The following IQCJ variants were observed in gnomAD, a reference collection of about 807,000 sequenced individuals.
IQCJ encodes the protein IQ domain-containing protein J.
IQCJ carries 9 observed loss-of-function variants against 11.0 expected under a neutral mutation model. The observed-to-expected ratio is 0.82, with a 90% CI of 0.49 to 1.43. The LOEUF is 1.43. Ranked by LOEUF, IQCJ falls within the 40% of genes most tolerant of loss-of-function variation. IQCJ has a pLI of 0.00. For synonymous variants in IQCJ, 55 were observed against 51.3 expected, an observed-to-expected ratio of 1.07 and a Z score of -0.31; for missense variants, 146 against 133.2, an observed-to-expected ratio of 1.10 and a Z score of -0.47.
chr3:159,135,212 G>T (rs571799370), intron 1 of IQCJ, among the ~76,000 whole-genome samples: 2 of 152,214 alleles, frequency 1.3e-5, no homozygotes, highest in African/African-American at 2.4e-5. Context: ...AGGCTTACTT[G>T]GTATCTACCT....
At chr3:159,150,172 A>C (rs147865746) in intron 1 of IQCJ, among the ~76,000 whole-genome samples, 45 of 152,308 alleles carry the variant, frequency 3.0e-4, no homozygotes, top group African/African-American at 9.9e-4. Flanking sequence ...ATTTGAATGC[A>C]AGTAGTCTCT....
chr3:159,104,902 A>T (rs1718155936), intron 1 of IQCJ, among the ~76,000 whole-genome samples: 1 of 152,218 alleles, frequency 6.6e-6, no homozygotes, highest in South Asian at 2.1e-4. Context: ...ACACATTGTT[A>T]TAATGCTGTA....
At chr3:159,247,433 A>G (rs1359310381) in intron 2 of IQCJ, among the ~76,000 whole-genome samples, 1 of 152,194 alleles carries the variant, frequency 6.6e-6, no homozygotes, top group Non-Finnish European at 1.5e-5. Flanking sequence ...ATCCTTCAGA[A>G]ATGAAAACCA....
intron 3 of IQCJ, 88 bp downstream of exon 3, chr3:159,252,895 T>C: frequency 3.9e-6 from 5 of 1,269,142 alleles, no homozygotes; most frequent in Admixed American, 2.2e-5. Flanking sequence ...ACAACAGTTA[T>C]GCATCTTTAT....
At chr3:159,179,113 G>A (rs987158909) in intron 1 of IQCJ, among the ~76,000 whole-genome samples, 2 of 152,152 alleles carry the variant, frequency 1.3e-5, no homozygotes, top group Non-Finnish European at 2.9e-5. Flanking sequence ...GCAAACTGGT[G>A]TTAAATAAAG....
At chr3:159,190,449 T>C (rs1341619700) in intron 1 of IQCJ, among the ~76,000 whole-genome samples, 1 of 152,222 alleles carries the variant, frequency 6.6e-6, no homozygotes. Flanking sequence ...TCTCTGGTAA[T>C]GGAAGGACAC....
chr3:159,185,114 C>A (rs13072096), intron 1 of IQCJ, among the ~76,000 whole-genome samples: 20,450 of 152,160 alleles, frequency 0.13, 1,538 homozygotes, highest in Middle Eastern at 0.2. Flanking sequence ...CTATCAGGCC[C>A]ATTACAATCC....
At chr3:159,069,769 G>A (rs1251820064) in intron 1 of IQCJ, 8 of 518,562 alleles carry the variant, frequency 1.5e-5, no homozygotes, top group Non-Finnish European at 2.6e-5. Flanking sequence ...ACAACAGCAA[G>A]TAGAGGAAAA....
intron 1 of IQCJ, among the ~76,000 whole-genome samples, chr3:159,172,736 G>T (rs1390813022): frequency 4.3e-5 from 6 of 138,748 alleles, no homozygotes; most frequent in Non-Finnish European, 1.5e-5. Flanking sequence ...AGAGCTTAAA[G>T]GTTCCTAGTA....
In IQCJ at chr3:159,140,349, C is replaced by T. The variant is rs544108758; in HGVS notation, c.9+70908C>T. The stretch of plus-strand genomic sequence containing the variant: ...ACTCTTCCTTGTGACTTCAGCTGCC[C>T]CAGTAACCCCTGGAGAAGGAAAAGA... On this transcript the variant is annotated intron_variant, in intron 1 of 3. Transcript: ENST00000397832. Among the ~76,000 whole-genome samples the T allele has an allele frequency of 5.3e-5, 8 of 152,234 alleles. No homozygotes were observed. In the South Asian group the frequency reaches 1.7e-3, roughly 32 times the overall value.
chr3:159,195,067 C>T (rs576192419), intron 1 of IQCJ, among the ~76,000 whole-genome samples: 18 of 151,670 alleles, frequency 1.2e-4, no homozygotes, highest in South Asian at 1.0e-3. Context: ...GCTGAGATTG[C>T]GCCATTGCAC....
intron 3 of IQCJ, among the ~76,000 whole-genome samples, 153 bp from the exon 4 acceptor site, chr3:159,262,395 G>A (rs141714142): frequency 1.7e-3 from 256 of 152,292 alleles, no homozygotes; most frequent in African/African-American, 6.0e-3. Flanking sequence ...TAAAGTTCAG[G>A]TCTCCTGATT....
chr3:159,086,215 T>G (rs888352190), intron 1 of IQCJ, among the ~76,000 whole-genome samples: 20 of 152,160 alleles, frequency 1.3e-4, no homozygotes, highest in Non-Finnish European at 2.6e-4. Flanking sequence ...TTGTCAAAGA[T>G]CAGATAGTTG....
At chr3:159,245,115 G>A (rs945357367) in intron 1 of IQCJ, among the ~76,000 whole-genome samples, 1 of 152,154 alleles carries the variant, frequency 6.6e-6, no homozygotes, top group African/African-American at 2.4e-5. Flanking sequence ...GGGATCGTGT[G>A]TGTGTGTATG....
chr3:159,228,938 A>G (rs984050304), intron 1 of IQCJ, among the ~76,000 whole-genome samples: 1 of 152,212 alleles, frequency 6.6e-6, no homozygotes, highest in Non-Finnish European at 1.5e-5. Context: ...CTTCTGCACA[A>G]TCTACTTTTG....
chr3:159,194,543 G>A (rs540694625), intron 1 of IQCJ, among the ~76,000 whole-genome samples: 5 of 152,344 alleles, frequency 3.3e-5, no homozygotes, highest in South Asian at 4.1e-4. Context: ...GCTTCTTGAT[G>A]TGCTTGTAGC....
At chr3:159,176,542 G>T (rs540281505) in intron 1 of IQCJ, among the ~76,000 whole-genome samples, 155 of 152,196 alleles carry the variant, frequency 1.0e-3, no homozygotes, top group African/African-American at 3.5e-3. Flanking sequence ...TAATAGCACT[G>T]TTTTCTAGGA....
intron 1 of IQCJ, among the ~76,000 whole-genome samples, chr3:159,122,436 T>A (rs1335524799): frequency 6.6e-6 from 1 of 152,206 alleles, no homozygotes; most frequent in Non-Finnish European, 1.5e-5. Flanking sequence ...TGAGAAATGC[T>A]CCTTAGAAGG....
chr3:159,091,180 A>G (rs1000806486), intron 1 of IQCJ, among the ~76,000 whole-genome samples: 5 of 151,800 alleles, frequency 3.3e-5, no homozygotes, highest in African/African-American at 9.7e-5. Flanking sequence ...ATGCTCCTGG[A>G]TGAAATGCAT....
Sources: allele counts gnomAD v4.1 joint callset (sites outside exome capture counted in the v4.1 genomes callset), GRCh38; gene constraint gnomAD v4.1.1; transcripts MANE v1.5; gene names NCBI Gene and HGNC (gene_info 2026-07-23, HGNC 2026-07-21).